UBE2E2: variants seen among roughly 807,000 people sequenced by gnomAD.
UBE2E2 encodes the protein ubiquitin-conjugating enzyme E2 E2.
In UBE2E2, 6 loss-of-function variants were observed where a neutral mutation model predicts 24.7. That is an observed-to-expected ratio of 0.24 (90% CI 0.13 to 0.48). UBE2E2 has a LOEUF of 0.48. UBE2E2 is among the 20% of genes least tolerant of loss of function. UBE2E2 has a pLI of 0.99. For missense variants in UBE2E2, 169 were observed against 245.0 expected (o/e 0.69, Z 2.07); for synonymous variants, 104 against 83.6 (o/e 1.24, Z -1.33).
chr3:23,487,990 A>T (rs1009807875), intron 3 of UBE2E2, among the ~76,000 whole-genome samples: 9 of 116,494 alleles, frequency 7.7e-5, no homozygotes, highest in African/African-American at 2.3e-4. Context: ...AGGAATATTT[A>T]AAAAAAAAAA....
rs1308782150 is a variant in UBE2E2 at position 23,407,646 on chromosome 3, C to T, written c.228-91962C>T. 1.1e-5 allele frequency among the ~76,000 whole-genome samples: 1 copy of T among 93,522 alleles called. No individual in the cohort carries two copies. Among genetic ancestry groups the T allele is most frequent in the African/African-American group, 5.6e-5 (1 of 17,748 alleles). 61.4% of individuals were successfully genotyped at this position (93,522 alleles called of 152,430 possible). A position where few individuals can be genotyped will look rare whatever the true frequency, so the allele number is the denominator to read the frequency against. Reference sequence around the variant, plus strand: ...GTGTGTGTTTGTGTGTGCATGCGTGCATGTGTGTGTGTGTGTGTGTGTGTG... The same window carrying T: ...GTGTGTGTTTGTGTGTGCATGCGTGTATGTGTGTGTGTGTGTGTGTGTGTG... On this transcript the variant is annotated intron_variant, in intron 3 of 5. Coordinates refer to ENST00000396703, the MANE Select transcript of UBE2E2 (RefSeq NM_152653.4). The surrounding 1 kb of genome is among the most constrained non-coding windows in gnomAD (Gnocchi z 4.0).
At chr3:23,511,872 G>A (rs1354213723) in intron 4 of UBE2E2, among the ~76,000 whole-genome samples, 1 of 152,118 alleles carries the variant, frequency 6.6e-6, no homozygotes, top group Non-Finnish European at 1.5e-5. Flanking sequence ...TTTCTCACAA[G>A]TGCCTAAATC....
intron 3 of UBE2E2, among the ~76,000 whole-genome samples, chr3:23,457,991 T>C (rs1191787785): frequency 1.3e-5 from 2 of 152,190 alleles, no homozygotes; most frequent in African/African-American, 2.4e-5. Context: ...ATCATTCATG[T>C]GTTCACTGAA....
At chr3:23,423,982 T>C (rs78501928) in intron 3 of UBE2E2, among the ~76,000 whole-genome samples, 4,394 of 152,274 alleles carry the variant, frequency 0.029, 110 homozygotes, top group East Asian at 0.13. Flanking sequence ...AGTCTGGTGG[T>C]TGACCTCTTG....
intron 3 of UBE2E2, among the ~76,000 whole-genome samples, chr3:23,348,990 A>G (rs1329279491): frequency 6.6e-6 from 1 of 151,580 alleles, no homozygotes; most frequent in South Asian, 2.1e-4. Flanking sequence ...TCCCCTGACC[A>G]CCCCCCCACC....
chr3:23,396,003 A>G (rs1274036007), intron 3 of UBE2E2, among the ~76,000 whole-genome samples: 1 of 152,058 alleles, frequency 6.6e-6, no homozygotes, highest in Non-Finnish European at 1.5e-5. Flanking sequence ...ATTTTCTTAC[A>G]TTGTTACTTT....
In UBE2E2 at chr3:23,412,184, T is replaced by G. The variant is rs566515093; in HGVS notation, c.228-87424T>G. 4.6e-5 allele frequency among the ~76,000 whole-genome samples: 7 copies of G among 152,308 alleles called. No individual in the cohort carries two copies. The South Asian group carries it at 1.2e-3, about 27-fold the overall frequency. ...TATTTAAATAGGATGTAATAATTAA[T>G]GTATGTAAATGTAGACCATAGTCGA... On this transcript the variant is annotated intron_variant, in intron 3 of 5. Transcript: ENST00000396703.
chr3:23,410,233 T>A (rs769030922), intron 3 of UBE2E2, among the ~76,000 whole-genome samples: 1 of 152,204 alleles, frequency 6.6e-6, no homozygotes, highest in African/African-American at 2.4e-5. Context: ...TAATGGGAAC[T>A]CTTGTTAAGT....
chr3:23,233,235 G>A (rs1399862808), intron 3 of UBE2E2, among the ~76,000 whole-genome samples: 2 of 152,166 alleles, frequency 1.3e-5, no homozygotes, highest in African/African-American at 4.8e-5. Flanking sequence ...GGTGGGGCAG[G>A]ATTGGACAGG....
intron 3 of UBE2E2, among the ~76,000 whole-genome samples, chr3:23,290,257 A>G (rs1276395092): frequency 6.6e-6 from 1 of 152,172 alleles, no homozygotes; most frequent in African/African-American, 2.4e-5. Context: ...GTGAGGGGGC[A>G]CTTTATTAGT....
At chr3:23,563,309 G>T (rs896474944) in intron 5 of UBE2E2, among the ~76,000 whole-genome samples, 8 of 152,132 alleles carry the variant, frequency 5.3e-5, no homozygotes, top group African/African-American at 1.9e-4. Flanking sequence ...CTTTATTTCT[G>T]CCTTCATTTT....
chr3:23,289,740 T>C (rs1575534852), intron 3 of UBE2E2, among the ~76,000 whole-genome samples: 1 of 152,232 alleles, frequency 6.6e-6, no homozygotes, highest in South Asian at 2.1e-4. Context: ...TTTTGAACGT[T>C]CAAGTACTTA....
intron 3 of UBE2E2, among the ~76,000 whole-genome samples, chr3:23,293,103 T>G (rs368370569): frequency 6.6e-6 from 1 of 152,196 alleles, no homozygotes; most frequent in Non-Finnish European, 1.5e-5. Context: ...TGTATCCTTT[T>G]TGTGGTGGTG....
At chr3:23,521,012 A>C (rs1049441661) in intron 4 of UBE2E2, among the ~76,000 whole-genome samples, 1 of 152,202 alleles carries the variant, frequency 6.6e-6, no homozygotes, top group Admixed American at 6.5e-5. Context: ...TGAAAAGCTA[A>C]ATCATCACTT....
At position 23,347,540 on chromosome 3, in the gene UBE2E2, C is replaced by G. The variant is rs572880586; in HGVS notation, c.227+130228C>G. Among the ~76,000 whole-genome samples the G allele has an allele frequency of 3.3e-5, 5 of 151,880 alleles. No homozygotes were observed. In the South Asian group the frequency reaches 1.0e-3, roughly 32 times the overall value. On this transcript the variant is annotated intron_variant, in intron 3 of 5. Coordinates refer to ENST00000396703, the MANE Select transcript of UBE2E2 (RefSeq NM_152653.4). ...GACACAGGGAGGGGAATATCACACA[C>G]TGGGGCCTGTTGTGGGGTGGGGGCC...
Position 23,443,826 on chromosome 3 carries a change from A to G in UBE2E2, c.228-55782A>G, listed in dbSNP as rs192436889. Among the ~76,000 whole-genome samples, 20 of 152,244 alleles carry G rather than the reference A, an allele frequency of 1.3e-4. No individual in the cohort carries two copies. In the East Asian group the frequency reaches 3.9e-3, roughly 29 times the overall value. The stretch of plus-strand genomic sequence containing the variant: ...CTACATTATACGTAGCTTCCATACT[A>G]CGATATGAGGCCTCCATTTTTGTGA... On this transcript the variant is annotated intron_variant, in intron 3 of 5. Coordinates refer to ENST00000396703, the MANE Select transcript of UBE2E2 (RefSeq NM_152653.4).
intron 5 of UBE2E2, among the ~76,000 whole-genome samples, chr3:23,557,131 A>G (rs1695809589): frequency 6.6e-6 from 1 of 152,222 alleles, no homozygotes; most frequent in Admixed American, 6.5e-5. Context: ...TATTTATCCA[A>G]TTTTAGGGAA....
At chr3:23,531,931 G>A (rs373711003) in intron 4 of UBE2E2, among the ~76,000 whole-genome samples, 4 of 151,684 alleles carry the variant, frequency 2.6e-5, no homozygotes, top group Admixed American at 2.6e-4. Context: ...GTGTGGTGGC[G>A]GGCACCTCTA....
intron 3 of UBE2E2, among the ~76,000 whole-genome samples, chr3:23,374,888 G>T (rs1365690478): frequency 6.6e-6 from 1 of 151,908 alleles, no homozygotes; most frequent in Admixed American, 6.6e-5. Context: ...TCTGTCTCAG[G>T]CTCCCAAGTA....
Sources: gnomAD v4.1 joint callset for allele counts (sites outside exome capture counted in the v4.1 genomes callset) on GRCh38, gnomAD v4.1.1 for gene constraint, Gnocchi (gnomAD v3.1) non-coding constraint, MANE v1.5 for transcripts, NCBI Gene and HGNC (gene_info 2026-07-23, HGNC 2026-07-21) for gene names.